The following HMGCLL1 variants were observed in gnomAD, a reference collection of about 807,000 sequenced individuals.
HMGCLL1 encodes 3-hydroxy-3-methylglutaryl-CoA lyase like 1, also known as 3-hydroxymethyl-3-methylglutaryl-CoA lyase, cytoplasmic.
In HMGCLL1, 36 loss-of-function variants were observed where a neutral mutation model predicts 39.1. The ratio of observed to expected loss-of-function variants is 0.92; its 90% CI spans 0.71 to 1.22. The LOEUF is 1.22. HMGCLL1 is among the 50% of genes most tolerant of loss of function. HMGCLL1 has a pLI of 0.00. For missense variants in HMGCLL1, 451 were observed against 416.5 expected (o/e 1.08, Z -0.72); for synonymous variants, 149 against 144.0 (o/e 1.03, Z -0.25).
chr6:55,511,555 G>A (rs1304301410), intron 5 of HMGCLL1, among the ~76,000 whole-genome samples: 2 of 151,886 alleles, frequency 1.3e-5, no homozygotes, highest in East Asian at 3.9e-4. Flanking sequence ...GGCCTTTAAA[G>A]CTGACAACTG....
upstream of HMGCLL1, among the ~76,000 whole-genome samples, chr6:55,580,406 C>CTTTTTTTTTTTTTT (rs145371462): frequency 3.8e-3 from 276 of 73,260 alleles, 10 homozygotes; most frequent in Non-Finnish European, 5.1e-3. Context: ...TTTTTTCTTT[C>CTTTTTTTTTTTTTT]TTTTTTTTTT....
chr6:55,597,675 A>G, the HMGCLL1 span, among the ~76,000 whole-genome samples: 6 of 152,184 alleles, frequency 3.9e-5, no homozygotes, highest in Admixed American at 3.9e-4. Context: ...CAACAATGGT[A>G]AAATAAAGTA....
chr6:55,628,348 C>T, the HMGCLL1 span, among the ~76,000 whole-genome samples: 3 of 148,442 alleles, frequency 2.0e-5, no homozygotes, highest in Non-Finnish European at 3.0e-5. Context: ...GTCACCTAGG[C>T]TGGAGCGCAG....
intron 7 of HMGCLL1, among the ~76,000 whole-genome samples, chr6:55,494,275 T>G (rs1766468901): frequency 6.6e-6 from 1 of 152,060 alleles, no homozygotes; most frequent in South Asian, 2.1e-4. Flanking sequence ...AAATGATTAC[T>G]CAAAGTGTTA....
chr6:55,463,917 A>G (rs1164923269), intron 7 of HMGCLL1, among the ~76,000 whole-genome samples: 3 of 152,226 alleles, frequency 2.0e-5, no homozygotes, highest in African/African-American at 7.2e-5. Flanking sequence ...AAAAATAGGA[A>G]GAAAAAATGA....
chr6:55,445,848 G>T (rs908015920), intron 7 of HMGCLL1, among the ~76,000 whole-genome samples: 7 of 152,026 alleles, frequency 4.6e-5, no homozygotes, highest in African/African-American at 1.7e-4. Context: ...AATCCACCAG[G>T]TTAAAGTCAA....
At chr6:55,472,094 A>G (rs1237428710) in intron 7 of HMGCLL1, among the ~76,000 whole-genome samples, 1 of 151,730 alleles carries the variant, frequency 6.6e-6, no homozygotes, top group Non-Finnish European at 1.5e-5. Context: ...GTTACTATAA[A>G]GAGTACTAGT....
At chr6:55,490,602 G>A (rs938754722) in intron 7 of HMGCLL1, among the ~76,000 whole-genome samples, 3 of 152,080 alleles carry the variant, frequency 2.0e-5, no homozygotes, top group African/African-American at 7.2e-5. Flanking sequence ...TCTGTTGCAT[G>A]AAGATTAACC....
intron 7 of HMGCLL1, among the ~76,000 whole-genome samples, chr6:55,471,833 C>A (rs1431788941): frequency 6.6e-6 from 1 of 151,542 alleles, no homozygotes; most frequent in African/African-American, 2.4e-5. Context: ...TGCTCTCACA[C>A]CTTCTCCCTT....
At chr6:55,618,243 T>C in the HMGCLL1 span, among the ~76,000 whole-genome samples, 1 of 152,006 alleles carries the variant, frequency 6.6e-6, no homozygotes, top group East Asian at 1.9e-4. Flanking sequence ...CTGGGAGATA[T>C]TATGTGGGCA....
At chr6:55,513,696 T>C in intron 5 of HMGCLL1, 1 of 258,140 alleles carries the variant, frequency 3.9e-6, no homozygotes, top group Non-Finnish European at 7.2e-6. Flanking sequence ...ATTAGGTGAT[T>C]CTTTTCCAAA....
At chr6:55,643,793 T>C in the HMGCLL1 span, among the ~76,000 whole-genome samples, 7 of 152,056 alleles carry the variant, frequency 4.6e-5, no homozygotes, top group African/African-American at 1.7e-4. Context: ...AGAATCTGCC[T>C]CTTTCTTATA....
Position 55,516,559 on chromosome 6 carries a change from T to G in HMGCLL1, c.342A>C (p.Pro114=), listed in dbSNP as rs1581886141. ...GAGTAAGGACAGGATAGCGAACTCC[T>G]GGATATTGATGAATGCCTTTCATTA... ...TEVMKGIHQY[P]GVRYPVLTPN... is the part of the protein sequence containing the mutation. Residue 114 remains proline, a synonymous_variant, in exon 4 of 9, where the codon CCA becomes CCC. Transcript: ENST00000274901. 64 of 1,604,256 alleles carry G rather than the reference T, an allele frequency of 4.0e-5. No homozygotes were observed. Among genetic ancestry groups the G allele is most frequent in the Non-Finnish European group, 5.2e-5 (61 of 1,173,284 alleles).
chr6:55,652,777 C>T, the HMGCLL1 span, among the ~76,000 whole-genome samples: 1 of 152,034 alleles, frequency 6.6e-6, no homozygotes, highest in Non-Finnish European at 1.5e-5. Context: ...CAAGGGCTGC[C>T]TTTGTCTTTC....
chr6:55,553,271 A>G (rs78127050), intron 1 of HMGCLL1, among the ~76,000 whole-genome samples: 12,843 of 54,344 alleles, frequency 0.24, 526 homozygotes, highest in East Asian at 0.32. Flanking sequence ...GTGTGTGTGT[A>G]TGTATGTATG....
the HMGCLL1 span, among the ~76,000 whole-genome samples, chr6:55,657,990 T>C: frequency 6.6e-6 from 1 of 151,950 alleles, no homozygotes; most frequent in East Asian, 2.0e-4. Flanking sequence ...TGAAATAATC[T>C]GTACAACAAA....
chr6:55,577,468 A>T (rs1159871202), intron 1 of HMGCLL1, among the ~76,000 whole-genome samples: 1 of 152,170 alleles, frequency 6.6e-6, no homozygotes, highest in East Asian at 1.9e-4. Flanking sequence ...ATGGGCCAAA[A>T]AAGTCTTCAT....
chr6:55,579,393 C>T (rs1771930613), upstream of HMGCLL1, among the ~76,000 whole-genome samples: 1 of 152,138 alleles, frequency 6.6e-6, no homozygotes, highest in Admixed American at 6.5e-5. Flanking sequence ...TGTATCTTAA[C>T]GTGCCCACCT....
the HMGCLL1 span, among the ~76,000 whole-genome samples, chr6:55,586,181 C>T: frequency 1.3e-5 from 2 of 151,868 alleles, no homozygotes; most frequent in Admixed American, 1.3e-4. Context: ...TTGATAAGTG[C>T]CAAGTGAGAA....
Sources: allele counts gnomAD v4.1 joint callset (sites outside exome capture counted in the v4.1 genomes callset), GRCh38; gene constraint gnomAD v4.1.1; transcripts MANE v1.5; gene names NCBI Gene and HGNC (gene_info 2026-07-23, HGNC 2026-07-21).